STAG3: variants seen among roughly 807,000 people sequenced by gnomAD.
STAG3 encodes STAG3 cohesin complex component.
A neutral mutation model predicts 160.7 loss-of-function variants in STAG3; 101 were observed. The ratio of observed to expected loss-of-function variants is 0.63; its 90% CI spans 0.54 to 0.74. The LOEUF (loss-of-function observed/expected upper bound fraction) is 0.74. Among genes scored for constraint, STAG3 ranks in the 30% least tolerant of loss-of-function variants. STAG3 has a pLI of 0.00. For missense variants in STAG3, 1,188 were observed against 1,517.4 expected, an observed-to-expected ratio of 0.78 and a Z score of 3.61; for synonymous variants, 519 against 585.0, an observed-to-expected ratio of 0.89 and a Z score of 1.63.
In STAG3 at chr7:100,198,837, C is replaced by G. The variant is rs557604447; in HGVS notation, c.1353-6C>G. On this transcript the variant is annotated splice_region_variant and splice_polypyrimidine_tract_variant and intron_variant, in intron 13 of 33. Coordinates refer to ENST00000615138, the MANE Select transcript of STAG3 (RefSeq NM_001282717.2). ...CTGAGCCCTTTCCTCGTGTCCATTC[C>G]ACCAGACTCTTCTACCCTGAGTGCG... 5.6e-6 allele frequency: 9 copies of G among 1,611,078 alleles called. No homozygotes were observed. In the Admixed American group the frequency reaches 1.0e-4, roughly 18 times the overall value.
Position 100,205,035 on chromosome 7 carries a change from T to C in STAG3, c.2982T>C (p.Leu994=), listed in dbSNP as rs1801509298. ...KEGIQFSLSE[L]PPAGSSNQPP... ...GCATCCAGTTCTCCTTGTCTGAGCTTCCTCCAGCTGGCTCCTCCAATCAGC... is the reference window on the plus strand; with the variant it reads ...GCATCCAGTTCTCCTTGTCTGAGCTCCCTCCAGCTGGCTCCTCCAATCAGC... Residue 994 remains leucine (L), a synonymous_variant, in exon 28 of 34, where the codon CTT becomes CTC. Transcript: ENST00000615138. 6.2e-7 allele frequency: 1 copy of C among 1,613,914 alleles called. No individual in the cohort carries two copies. Among genetic ancestry groups the C allele is most frequent in the Non-Finnish European group, 8.5e-7 (1 of 1,179,982 alleles).
chr7:100,182,821 C>T lies in STAG3; in HGVS notation c.318C>T (p.Ala106=), dbSNP rs763406680. Residue 106 remains alanine (A), a synonymous_variant, in exon 4 of 34, where the codon GCC becomes GCT. Transcript: ENST00000615138. ...PANDLFNAVK[A]AKSDMQSLVD... ...ATGATCTTTTCAATGCTGTGAAAGC[C>T]GCCAAAAGTGACATGCAGGTAAAGC... 23 of 1,613,798 alleles carry T rather than the reference C, an allele frequency of 1.4e-5. No homozygotes were observed. Among genetic ancestry groups the T allele is most frequent in the Middle Eastern group, 1.6e-4 (1 of 6,078 alleles).
At chr7:100,189,660 C>T in intron 8 of STAG3, 64 bp downstream of exon 8, 1 of 1,552,970 alleles carries the variant, frequency 6.4e-7, no homozygotes, top group African/African-American at 1.4e-5. Context: ...CTGCCACAGA[C>T]CCCCTTATCA....
At chr7:100,208,896 A>C (rs1801910461) in intron 29 of STAG3, among the ~76,000 whole-genome samples, 1 of 152,194 alleles carries the variant, frequency 6.6e-6, no homozygotes, top group Non-Finnish European at 1.5e-5. Flanking sequence ...ATGTTGGGCA[A>C]AAAGCCTAAA....
intron 4 of STAG3, among the ~76,000 whole-genome samples, chr7:100,184,463 G>GGTTTTT (rs71126310): frequency 0.011 from 1,060 of 98,568 alleles, 80 homozygotes; most frequent in East Asian, 0.023. Flanking sequence ...CAGCGTGTTA[G>GGTTTTT]TTTTTTTTTT....
intron 29 of STAG3, 136 bp downstream of exon 29, chr7:100,205,520 C>T: frequency 2.1e-6 from 2 of 958,006 alleles, no homozygotes; most frequent in South Asian, 2.1e-5. Context: ...ATCTAGTCAA[C>T]TGAAAACCTG....
intron 13 of STAG3, 24 bp from the exon 14 acceptor site, chr7:100,198,819 C>CT (rs778789954): frequency 1.4e-5 from 23 of 1,598,618 alleles, no homozygotes; most frequent in Admixed American, 5.0e-5. Flanking sequence ...GTGCTGAGCC[C>CT]TTTCCTCGTG....
chr7:100,184,068 C>G (rs779261134), intron 4 of STAG3, among the ~76,000 whole-genome samples: 65 of 152,118 alleles, frequency 4.3e-4, no homozygotes, highest in Non-Finnish European at 7.6e-4. Context: ...GAGTTTGAGA[C>G]CAGCCTGGCC....
rs538854901 is a variant in STAG3, at chr7:100,200,980, G to C, written c.2061+11G>C. The C allele has an allele frequency of 1.5e-5, 24 of 1,614,052 alleles. No individual in the cohort carries two copies. The highest frequency in any genetic ancestry group is 1.9e-5 in the Non-Finnish European group (22 of 1,180,024). On this transcript the variant is annotated intron_variant, in intron 19 of 33. Transcript: ENST00000615138. ...GAAGAGCTGTTACAGGTAGGAGCTG[G>C]GGCTGGACAATGGGACACCCCAAAC...
chr7:100,180,751 T>C, intron 2 of STAG3, 79 bp downstream of exon 2: 2 of 873,694 alleles, frequency 2.3e-6, no homozygotes, highest in Non-Finnish European at 3.9e-6. Flanking sequence ...TTGATGATAA[T>C]ATGCGTGGGA....
At chr7:100,218,209 G>C (rs62482171), downstream of STAG3, 74,404 of 151,500 alleles carry the variant, frequency 0.49, 19,754 homozygotes, top group South Asian at 0.57. Flanking sequence ...TCACTTCTCA[G>C]CATGTCCCTT....
rs777483420 is a variant in STAG3, at chr7:100,198,580, G to C, written c.1350G>C (p.Trp450Cys). The C allele has an allele frequency of 6.2e-7, 1 of 1,613,166 alleles. No individual in the cohort carries two copies. Among genetic ancestry groups the C allele is most frequent in the South Asian group, 1.1e-5 (1 of 91,052 alleles). Residue 450 changes from tryptophan to cysteine, a missense_variant and splice_region_variant, in exon 13 of 34, where the codon TGG becomes TGC. Trp to Cys is a radical substitution (Grantham distance 215). Around this residue, in one of 4 missense-constraint regions of STAG3, gnomAD observed 240 missense variants for 358.1 expected, o/e 0.67. Transcript: ENST00000615138. ...LASAAGEFLY[W>C]KLFYPECEIR... ...CTGCCGCAGGCGAATTTCTGTACTG[G>C]AAGTGAGTGGGGCTCCTTTTATGTT...
At chr7:100,197,754 C>T (rs1800780785) in intron 10 of STAG3, 24 bp from the exon 11 acceptor site, 4 of 1,588,650 alleles carry the variant, frequency 2.5e-6, no homozygotes, top group African/African-American at 1.3e-5. Context: ...TATTTCCATT[C>T]TCCTGGTTTT....
In STAG3 at chr7:100,191,864, C is replaced by T. The variant is rs182489697; in HGVS notation, c.867+2268C>T. On this transcript the variant is annotated intron_variant, in intron 8 of 33. Coordinates refer to ENST00000615138, the MANE Select transcript of STAG3 (RefSeq NM_001282717.2). ...TTCTTTCAAAACAAGAGTCAATTCT[C>T]TCAAGCCCTGGTGCTGCTTTATCAG... is the stretch of plus-strand genomic sequence containing the variant. Among the ~76,000 whole-genome samples, 359 of 152,342 alleles carry T rather than the reference C, an allele frequency of 2.4e-3. 4 individuals are homozygous for T. Among genetic ancestry groups the T allele is most frequent in the African/African-American group, 7.9e-3 (330 of 41,576 alleles).
chr7:100,203,203 T>G (rs1231445315), intron 25 of STAG3, among the ~76,000 whole-genome samples: 2 of 149,242 alleles, frequency 1.3e-5, no homozygotes, highest in Non-Finnish European at 3.0e-5. Flanking sequence ...TTTTTTTTCC[T>G]GAGACAGATT....
intron 32 of STAG3, chr7:100,212,186 A>C: frequency 3.9e-6 from 1 of 255,630 alleles, no homozygotes. Flanking sequence ...TGGAGGTGGG[A>C]GGTCATTCAG....
At chr7:100,217,590 C>A (rs181866422), downstream of STAG3, among the ~76,000 whole-genome samples, 182 of 152,174 alleles carry the variant, frequency 1.2e-3, no homozygotes, top group African/African-American at 4.3e-3. Flanking sequence ...ACGCGGAGAC[C>A]AGTAGTGGCC....
chr7:100,191,395 A>C (rs551437183), intron 8 of STAG3, among the ~76,000 whole-genome samples: 5 of 152,296 alleles, frequency 3.3e-5, no homozygotes, highest in Admixed American at 3.3e-4. Flanking sequence ...CGGGCATCAT[A>C]CCTCAAAGAT....
intron 23 of STAG3, 37 bp downstream of exon 23, chr7:100,202,078 A>G: frequency 6.2e-6 from 10 of 1,611,760 alleles, no homozygotes; most frequent in Non-Finnish European, 8.5e-6. Context: ...CAAGGCGAGT[A>G]TCCCTGCCCC....
Sources: gnomAD v4.1 joint callset for allele counts (sites outside exome capture counted in the v4.1 genomes callset) on GRCh38, gnomAD v4.1.1 for gene constraint, gnomAD v4.1.1 regional missense constraint, MANE v1.5 for transcripts, NCBI Gene and HGNC (gene_info 2026-07-23, HGNC 2026-07-21) for gene names.